The following ACOT9 variants were observed in gnomAD, a reference collection of about 807,000 sequenced individuals.
The protein encoded by ACOT9 is acyl-coenzyme A thioesterase 9, mitochondrial.
Under a neutral mutation model 39.7 loss-of-function variants are expected in ACOT9, and 34 were observed. The observed-to-expected ratio is 0.86, with a 90% CI of 0.65 to 1.14. The LOEUF is 1.14. ACOT9 is among the 50% of genes most tolerant of loss of function. The pLI is 0.00. For synonymous variants in ACOT9, 110 were observed against 120.5 expected, an observed-to-expected ratio of 0.91 and a Z score of 0.57; for missense variants, 313 against 344.1, an observed-to-expected ratio of 0.91 and a Z score of 0.71.
At position 23,703,349 on chromosome X, in the gene ACOT9, G is replaced by C. The variant is rs1569188172; in HGVS notation, c.*545C>G. 9.1e-6 allele frequency: 1 copy of C among 110,376 alleles called. No individual in the cohort carries two copies. Among genetic ancestry groups the C allele is most frequent in the African/African-American group, 3.4e-5 (1 of 29,160 alleles). 9.1% of individuals were successfully genotyped at this position (110,376 alleles called of 1,213,427 possible). A position where few individuals can be genotyped will look rare whatever the true frequency, so the allele number is the denominator to read the frequency against. On this transcript the variant is annotated 3_prime_UTR_variant, in exon 16 of 16. Transcript: ENST00000379303. ...AATTAATTAATTAATTTTTGAGACA[G>C]TCTCTCTCTGTCGCCCAGGCTGGAG...
intron 8 of ACOT9, 134 bp downstream of exon 8, chrX:23,721,747 A>G (rs1249859138): frequency 4.5e-6 from 2 of 448,608 alleles, no homozygotes; most frequent in African/African-American, 4.9e-5. Context: ...TCCATATGAC[A>G]TGAGCTTTCA....
chrX:23,704,559 A>G lies in ACOT9; in HGVS notation c.1258+135T>C, dbSNP rs1928608009. The stretch of plus-strand genomic sequence containing the variant: ...GCATCTTTGGCCTTCAGGGCTGCCA[A>G]ATCTCAAAAGCAAAATCTCCTGAAG... On this transcript the variant is annotated intron_variant, in intron 15 of 15. Transcript: ENST00000379303. 4 of 802,414 alleles carry G rather than the reference A, an allele frequency of 5.0e-6. No homozygotes were observed. The South Asian group carries it at 1.2e-4, about 23-fold the overall frequency. 66.1% of individuals were successfully genotyped at this position (802,414 alleles called of 1,213,427 possible).
intron 6 of ACOT9, among the ~76,000 whole-genome samples, chrX:23,729,071 C>A (rs1206486739): frequency 5.4e-5 from 1 of 18,526 alleles, no homozygotes; most frequent in East Asian, 3.3e-3. Flanking sequence ...TTACCTGCCA[C>A]CCCCCCCCAC....
At chrX:23,735,702 G>T (rs1929930714) in intron 2 of ACOT9, among the ~76,000 whole-genome samples, 1 of 111,287 alleles carries the variant, frequency 9.0e-6, no homozygotes, top group African/African-American at 3.3e-5. Context: ...CAGTCCTCAA[G>T]GCTCCCAGGA....
chrX:23,707,967 T>C (rs1427954252), intron 9 of ACOT9, 23 bp from the exon 10 acceptor site: 1 of 1,155,518 alleles, frequency 8.7e-7, no homozygotes, highest in Non-Finnish European at 1.2e-6. Flanking sequence ...AAAAAAAGAA[T>C]ATAATTTAAG....
At chrX:23,728,545 C>T (rs1929618004) in intron 6 of ACOT9, among the ~76,000 whole-genome samples, 1 of 111,598 alleles carries the variant, frequency 9.0e-6, no homozygotes, top group Non-Finnish European at 1.9e-5. Flanking sequence ...CCCGTGGTGG[C>T]TGAACTGGAA....
At chrX:23,722,384 TG>T (rs909190311) in intron 7 of ACOT9, among the ~76,000 whole-genome samples, 3 of 110,680 alleles carry the variant, frequency 2.7e-5, no homozygotes, top group African/African-American at 9.9e-5. Flanking sequence ...GCCGACATGG[TG>T]TAATCCCATC....
At chrX:23,742,209 T>TGAGAGAGAGAGAGAGAGAGA (rs760648597) in intron 1 of ACOT9, among the ~76,000 whole-genome samples, 731 of 56,041 alleles carry the variant, frequency 0.013, 27 homozygotes, top group African/African-American at 0.026. Flanking sequence ...GAACAGTGAG[T>TGAGAGAGAGAGAGAGAGAGA]GAGTGAGAGA....
In ACOT9 at chrX:23,718,330, T is replaced by G. The variant is rs183457379; in HGVS notation, c.588+3551A>C. Among the ~76,000 whole-genome samples the G allele has an allele frequency of 7.2e-5, 8 of 111,281 alleles. No homozygotes were observed. In the Admixed American group the frequency reaches 7.7e-4, roughly 11 times the overall value. ...AAATCTATGCAAACCAGAGGCAGAG[T>G]GCTTATCCCCACACCACTTCTCTGG... On this transcript the variant is annotated intron_variant, in intron 8 of 15. Coordinates refer to ENST00000379303, the MANE Select transcript of ACOT9 (RefSeq NM_001037171.2).
At position 23,703,285 on chromosome X, in the gene ACOT9, G is replaced by GT. The variant is rs1928543177; in HGVS notation, c.*608dup. The GT allele has an allele frequency of 9.1e-6, 1 of 109,626 alleles. No homozygotes were observed. The highest frequency in any genetic ancestry group is 9.8e-5 in the Admixed American group (1 of 10,170). 9.0% of individuals were successfully genotyped at this position (109,626 alleles called of 1,213,427 possible). On this transcript the variant is annotated 3_prime_UTR_variant, in exon 16 of 16. Coordinates refer to ENST00000379303, the MANE Select transcript of ACOT9 (RefSeq NM_001037171.2). ...TTGTATACTGACAGTTGCAATATGT[G>GT]TAAGAAAAGAATGCATCCAATGGTA...
intron 6 of ACOT9, among the ~76,000 whole-genome samples, chrX:23,725,572 C>T (rs1373312060): frequency 3.2e-4 from 35 of 109,394 alleles, no homozygotes; most frequent in African/African-American, 1.1e-3. Context: ...AATCCCAACA[C>T]TTTGGGAGGC....
intron 8 of ACOT9, among the ~76,000 whole-genome samples, chrX:23,717,012 C>T (rs1433234824): frequency 9.0e-6 from 1 of 111,369 alleles, no homozygotes; most frequent in Non-Finnish European, 1.9e-5. Context: ...GTGGCACCAC[C>T]CCCAGCTAAT....
chrX:23,741,963 C>G, intron 1 of ACOT9, among the ~76,000 whole-genome samples: 1 of 110,455 alleles, frequency 9.1e-6, no homozygotes. Context: ...TCGTGCACCA[C>G]CACACCCGGC....
At chrX:23,708,780 A>C (rs1056656757) in intron 9 of ACOT9, among the ~76,000 whole-genome samples, 6 of 111,426 alleles carry the variant, frequency 5.4e-5, no homozygotes, top group Non-Finnish European at 9.4e-5. Context: ...AATTTCTCAG[A>C]TATAATAAAG....
intron 10 of ACOT9, 85 bp from the exon 11 acceptor site, chrX:23,706,824 C>T: frequency 1.8e-6 from 1 of 543,676 alleles, no homozygotes; most frequent in Non-Finnish European, 3.0e-6. Flanking sequence ...CTTTCAAAAT[C>T]TCACTGAAAA....
Position 23,722,771 on chromosome X carries a change from T to A in ACOT9, c.401-18A>T, listed in dbSNP as rs776667730. On this transcript the variant is annotated intron_variant, in intron 6 of 15. Transcript: ENST00000379303. ...AATAAGAACTGCAGGGAAACAGGAG[T>A]GTACCAAATTTTAAAAAGGCAGAAT... 9.2e-7 allele frequency: 1 copy of A among 1,086,883 alleles called. No homozygotes were observed. Among genetic ancestry groups the A allele is most frequent in the Admixed American group, 2.5e-5 (1 of 39,312 alleles). 89.6% of individuals were successfully genotyped at this position (1,086,883 alleles called of 1,213,427 possible). A position where few individuals can be genotyped will look rare whatever the true frequency, so the allele number is the denominator to read the frequency against.
intron 2 of ACOT9, 61 bp downstream of exon 2, chrX:23,735,858 C>A: frequency 9.5e-7 from 1 of 1,049,282 alleles, no homozygotes; most frequent in Non-Finnish European, 1.3e-6. Context: ...ATATACCTTT[C>A]AAATAAAAGT....
intron 9 of ACOT9, among the ~76,000 whole-genome samples, chrX:23,710,603 T>C (rs916519125): frequency 2.6e-4 from 29 of 111,970 alleles, no homozygotes; most frequent in Admixed American, 3.8e-4. Context: ...CCTGTAATCC[T>C]AGCACTTTGG....
intron 4 of ACOT9, 115 bp from the exon 5 acceptor site, chrX:23,731,101 T>G: frequency 1.9e-6 from 1 of 532,753 alleles, no homozygotes; most frequent in Non-Finnish European, 2.9e-6. Flanking sequence ...CTGGGCCTAC[T>G]TTCACCTTCT....
Sources: gnomAD v4.1 joint callset for allele counts (sites outside exome capture counted in the v4.1 genomes callset) on GRCh38, gnomAD v4.1.1 for gene constraint, MANE v1.5 for transcripts, NCBI Gene and HGNC (gene_info 2026-07-23, HGNC 2026-07-21) for gene names.